Variants in NOTCH3 observed in about 807,000 individuals in gnomAD.
The protein encoded by NOTCH3 is neurogenic locus notch homolog protein 3.
Under a neutral mutation model 213.3 loss-of-function variants are expected in NOTCH3, and 86 were observed. The observed-to-expected ratio is 0.40, with a 90% CI of 0.34 to 0.48. The LOEUF (loss-of-function observed/expected upper bound fraction) is 0.48. Among genes scored for constraint, NOTCH3 ranks in the 20% least tolerant of loss-of-function variants. NOTCH3 has a pLI of 0.57. For synonymous variants in NOTCH3, 1,354 were observed against 1,355.9 expected (o/e 1.00, Z 0.03); for missense variants, 2,783 against 3,272.6 (o/e 0.85, Z 3.65).
Position 15,184,277 on chromosome 19 carries a change from G to C in NOTCH3, c.2566+18C>G. 1.2e-6 allele frequency: 2 copies of C among 1,612,446 alleles called. No homozygotes were observed. Among genetic ancestry groups the C allele is most frequent in the South Asian group, 2.2e-5 (2 of 91,050 alleles). ...GTGTTCCCCAGAGCAGCACCCCCAAGAGCTCCCCTGCACTCACTGGGGTCA... is the reference window on the plus strand; with the variant it reads ...GTGTTCCCCAGAGCAGCACCCCCAACAGCTCCCCTGCACTCACTGGGGTCA... On this transcript the variant is annotated intron_variant, in intron 16 of 32. Coordinates refer to ENST00000263388, the MANE Select transcript of NOTCH3 (RefSeq NM_000435.3).
chr19:15,192,985 T>C (rs763551755), intron 2 of NOTCH3, among the ~76,000 whole-genome samples: 1 of 152,176 alleles, frequency 6.6e-6, no homozygotes, highest in Non-Finnish European at 1.5e-5. Flanking sequence ...TACTACGTTC[T>C]GAGCAATACA....
At position 15,197,564 on chromosome 19, in the gene NOTCH3, C is replaced by G. The variant is rs142031490; in HGVS notation, c.133G>C (p.Asp45His). 16 of 1,611,474 alleles carry G rather than the reference C, an allele frequency of 9.9e-6. No individual in the cohort carries two copies. Among genetic ancestry groups the G allele is most frequent in the African/African-American group, 1.3e-5 (1 of 74,788 alleles). The change falls in exon 2 of 33, where the codon GAC becomes CAC. Residue 45 changes from aspartate to histidine, a missense_variant. Asp to His is a moderately conservative substitution (Grantham distance 81). Coordinates refer to ENST00000263388, the MANE Select transcript of NOTCH3 (RefSeq NM_000435.3). ...GPGAAAPPCL[D>H]GSPCANGGRC... ...CCTCCATTTGCACACGGGCTTCCGTCCAGGCAAGGGGGGGCTGTGTGGGGG... is the reference window on the plus strand; with the variant it reads ...CCTCCATTTGCACACGGGCTTCCGTGCAGGCAAGGGGGGGCTGTGTGGGGG...
chr19:15,178,449 G>A (rs1430270023), intron 23 of NOTCH3: 1 of 445,100 alleles, frequency 2.2e-6, no homozygotes, highest in Admixed American at 3.5e-5. Context: ...GTGCAATGGC[G>A]TGATGGCTCA....
intron 1 of NOTCH3, 59 bp downstream of exon 1, chr19:15,200,729 G>A (rs1439865475): frequency 4.2e-6 from 5 of 1,190,432 alleles, no homozygotes; most frequent in Non-Finnish European, 4.2e-6. Flanking sequence ...CCGGCCTTGG[G>A]GGTTCTTGCA....
At position 15,165,224 on chromosome 19, in the gene NOTCH3, AC is replaced by A; in HGVS notation, c.5815+143del. 1 of 858,382 alleles carries A rather than the reference AC, an allele frequency of 1.2e-6. No individual in the cohort carries two copies. The highest frequency in any genetic ancestry group is 1.4e-5 in the South Asian group (1 of 72,826). The allele number at this position is 858,382 out of a possible 1,614,324, so 53.2% of individuals were successfully genotyped here. The stretch of plus-strand genomic sequence containing the variant: ...TAAGGACTAGTGGTGACCCTGCATG[AC>A]CCTGCAGGCTTCATGAAGCCTGGTT... On this transcript the variant is annotated intron_variant, in intron 31 of 32. Coordinates refer to ENST00000263388, the MANE Select transcript of NOTCH3 (RefSeq NM_000435.3). This position sits in a 1 kb window ranked among gnomAD's most constrained non-coding sequence, Gnocchi z 4.7.
At position 15,185,085 on chromosome 19, in the gene NOTCH3, C is replaced by A; in HGVS notation, c.2297-66G>T. ...GGGACTCCCTGATCCCATCTCCCCC[C>A]ACCTCCCCCAACCCCAGGGTCCCCA... On this transcript the variant is annotated intron_variant, in intron 14 of 32. Transcript: ENST00000263388. This position sits in a 1 kb window ranked among gnomAD's most constrained non-coding sequence, Gnocchi z 4.2. 3.2e-6 allele frequency: 4 copies of A among 1,246,610 alleles called. No homozygotes were observed. Among genetic ancestry groups the A allele is most frequent in the East Asian group, 2.5e-5 (1 of 39,260 alleles). The allele number at this position is 1,246,610 out of a possible 1,614,324, so 77.2% of individuals were successfully genotyped here. A position where few individuals can be genotyped will look rare whatever the true frequency, so the allele number is the denominator to read the frequency against.
intron 29 of NOTCH3, among the ~76,000 whole-genome samples, chr19:15,166,936 A>G (rs2046690736): frequency 1.0e-5 from 1 of 97,660 alleles, no homozygotes; most frequent in Non-Finnish European, 2.0e-5. Flanking sequence ...GTCCAATCAG[A>G]ATGCATCCTG....
intron 8 of NOTCH3, 21 bp downstream of exon 8, chr19:15,188,968 C>T (rs553284641): frequency 6.2e-7 from 1 of 1,603,264 alleles, no homozygotes; most frequent in East Asian, 2.3e-5. Context: ...AGGACCCGCC[C>T]AGGCCACGCC....
At chr19:15,180,402 C>A (rs2046829587) in intron 19 of NOTCH3, 146 bp from the exon 20 acceptor site, 1 of 960,480 alleles carries the variant, frequency 1.0e-6, no homozygotes, top group African/African-American at 1.6e-5. Context: ...ATCCCCCCAG[C>A]AGGCAAGGTC....
At position 15,165,776 on chromosome 19, in the gene NOTCH3, G is replaced by T; in HGVS notation, c.5667+11C>A. ...CCCAGCTCTGAGGTCCAAAGTGTGT[G>T]CCTATCTCACCTGGAAGACACCCTG... On this transcript the variant is annotated intron_variant, in intron 30 of 32. Coordinates refer to ENST00000263388, the MANE Select transcript of NOTCH3 (RefSeq NM_000435.3). This position sits in a 1 kb window ranked among gnomAD's most constrained non-coding sequence, Gnocchi z 4.7. 1 of 1,609,808 alleles carries T rather than the reference G, an allele frequency of 6.2e-7. No homozygotes were observed.
chr19:15,174,159 C>T lies in NOTCH3; in HGVS notation c.4645G>A (p.Ala1549Thr). 4.3e-6 allele frequency: 7 copies of T among 1,609,696 alleles called. No homozygotes were observed. Among genetic ancestry groups the T allele is most frequent in the Admixed American group, 1.7e-5 (1 of 59,948 alleles). Residue 1549 changes from alanine to threonine, a missense_variant, in exon 25 of 33, where the codon GCG becomes ACG. Coordinates refer to ENST00000263388, the MANE Select transcript of NOTCH3 (RefSeq NM_000435.3). ...LRTSLRFRLD[A>T]HGQAMVFPYH... ...GGGAAGACCATGGCCTGGCCGTGCG[C>T]GTCCAGGCGGAAGCGCAGCGAGGTG...
In NOTCH3 at chr19:15,184,422, C is replaced by T. The variant is rs2046864847; in HGVS notation, c.2439G>A (p.Glu813=). Residue 813 remains glutamate, a synonymous_variant, in exon 16 of 33, where the codon GAG becomes GAA. Transcript: ENST00000263388. ...GGCCACAGGGTGCGGGGCCAGCACA[C>T]TCGTCCACATCCTGCTGGCATCGTG... The part of the protein sequence containing the change: ...QGPRCQQDVD[E]CAGPAPCGPH... The T allele has an allele frequency of 3.7e-6, 6 of 1,613,874 alleles. No homozygotes were observed. The highest frequency in any genetic ancestry group is 5.1e-6 in the Non-Finnish European group (6 of 1,179,890).
At position 15,191,536 on chromosome 19, in the gene NOTCH3, G is replaced by A. The variant is rs1043995; in HGVS notation, c.924C>T (p.Gly308=). The A allele has an allele frequency of 1.1e-5, 17 of 1,613,306 alleles. No homozygotes were observed. The Admixed American group carries it at 1.5e-4, about 14-fold the overall frequency. ...HSCVCVNGWT[G]ESCSQNIDDC... is the part of the protein sequence containing the mutation. ...CATCGATATTCTGACTGCAGCTCTCGCCTGTCCAGCCATTGACACACACGC... is the reference window on the plus strand; with the variant it reads ...CATCGATATTCTGACTGCAGCTCTCACCTGTCCAGCCATTGACACACACGC... Residue 308 remains glycine (G), a synonymous_variant, in exon 6 of 33, where the codon GGC becomes GGT. Coordinates refer to ENST00000263388, the MANE Select transcript of NOTCH3 (RefSeq NM_000435.3).
At position 15,185,793 on chromosome 19, in the gene NOTCH3, A is replaced by G; in HGVS notation, c.1952-114T>C. 1.0e-6 allele frequency: 1 copy of G among 983,630 alleles called. No homozygotes were observed. Among genetic ancestry groups the G allele is most frequent in the Non-Finnish European group, 1.6e-6 (1 of 638,210 alleles). The allele number at this position is 983,630 out of a possible 1,614,324, so 60.9% of individuals were successfully genotyped here. On this transcript the variant is annotated intron_variant, in intron 12 of 32. Transcript: ENST00000263388. The surrounding 1 kb of genome is among the most constrained non-coding windows in gnomAD (Gnocchi z 4.2). ...ACCCCCGAGCAATGACCTCTTTTTC[A>G]TAACGCATCAGCTCTTGTGCAGATT...
At chr19:15,177,484 GGATGCATA>G (rs2046801249) in intron 24 of NOTCH3, 33 bp downstream of exon 24, 1 of 1,565,450 alleles carries the variant, frequency 6.4e-7, no homozygotes, top group Non-Finnish European at 8.7e-7. Flanking sequence ...AGACTGGGAT[GGATGCATA>G]GACAGACGGA....
In NOTCH3 at chr19:15,163,861, C is replaced by T. The variant is rs375104479; in HGVS notation, c.5816-1299G>A. Among the ~76,000 whole-genome samples the T allele has an allele frequency of 5.8e-4, 88 of 151,990 alleles. 1 individual carries two copies. In the South Asian group the frequency reaches 8.3e-3, roughly 14 times the overall value. On this transcript the variant is annotated intron_variant, in intron 31 of 32. Transcript: ENST00000263388. ...ATAAAAGAAAAAAAAAGTGGTCCAT[C>T]GACACAATGGATTATTATTCAGCTG... is the stretch of plus-strand genomic sequence containing the variant.
chr19:15,184,576 G>T, intron 15 of NOTCH3, 126 bp from the exon 16 acceptor site: 1 of 901,742 alleles, frequency 1.1e-6, no homozygotes, highest in Non-Finnish European at 1.7e-6. Flanking sequence ...GCTGTCATTC[G>T]TGTCTGGGCA....
intron 6 of NOTCH3, among the ~76,000 whole-genome samples, 177 bp from the exon 7 acceptor site, chr19:15,189,605 A>C (rs1599392394): frequency 6.6e-6 from 1 of 151,812 alleles, no homozygotes; most frequent in Non-Finnish European, 1.5e-5. Flanking sequence ...TGTAACCTCC[A>C]CCTCCCAGGT....
chr19:15,178,581 C>T (rs981644763), intron 23 of NOTCH3: 1 of 573,150 alleles, frequency 1.7e-6, no homozygotes, highest in South Asian at 2.0e-5. Flanking sequence ...GACGGGGTTT[C>T]ACCATGTTGC....
Sources: allele counts gnomAD v4.1 joint callset (sites outside exome capture counted in the v4.1 genomes callset), GRCh38; gene constraint gnomAD v4.1.1; non-coding constraint Gnocchi (gnomAD v3.1); transcripts MANE v1.5; gene names NCBI Gene and HGNC (gene_info 2026-07-23, HGNC 2026-07-21).